Variants in LRRTM4 observed in about 807,000 individuals in gnomAD.
The protein encoded by LRRTM4 is leucine rich repeat transmembrane neuronal 4.
A neutral mutation model predicts 47.6 loss-of-function variants in LRRTM4; 25 were observed. The ratio of observed to expected loss-of-function variants is 0.53; its 90% confidence interval spans 0.38 to 0.73. LRRTM4 has a LOEUF of 0.73. Among genes scored for constraint, LRRTM4 ranks in the 30% least tolerant of loss-of-function variants. The probability of loss-of-function intolerance (pLI) is 0.00; values close to 1 mark genes in which losing one functional copy is unlikely to be tolerated. For missense variants in LRRTM4, 638 were observed against 713.4 expected, an observed-to-expected ratio of 0.89 and a Z score of 1.20; for synonymous variants, 311 against 269.5, an observed-to-expected ratio of 1.15 and a Z score of -1.51.
At chr2:77,411,969 T>A (rs562707044) in intron 3 of LRRTM4, among the ~76,000 whole-genome samples, 3 of 152,276 alleles carry the variant, frequency 2.0e-5, no homozygotes, top group Admixed American at 2.0e-4. Flanking sequence ...CTCTTGCTTC[T>A]CTCACTTGAT....
intron 3 of LRRTM4, among the ~76,000 whole-genome samples, chr2:76,859,910 T>G (rs1316665225): frequency 6.6e-6 from 1 of 152,158 alleles, no homozygotes; most frequent in Admixed American, 6.5e-5. Context: ...ATTGACCAGA[T>G]GAAGTTGTTT....
intron 3 of LRRTM4, among the ~76,000 whole-genome samples, chr2:76,871,753 T>C (rs1214533148): frequency 6.6e-6 from 1 of 152,174 alleles, no homozygotes; most frequent in African/African-American, 2.4e-5. Context: ...GTGACTTTTG[T>C]TTTTTCTGAT....
In LRRTM4 at chr2:77,093,824, C is replaced by T. The variant is rs535641636; in HGVS notation, c.1552-344908G>A. 4.5e-3 allele frequency among the ~76,000 whole-genome samples: 684 copies of T among 151,824 alleles called. 10 individuals carry two copies. The highest frequency in any genetic ancestry group is 0.015 in the African/African-American group (637 of 41,242). On this transcript the variant is annotated intron_variant, in intron 3 of 3. Transcript: ENST00000409884. ...CCACCACAAAAGAAGTGTAAATGGC[C>T]GGTCCTTGCCTTAAGTGATGACATT...
chr2:76,885,557 G>A (rs944150505), intron 3 of LRRTM4, among the ~76,000 whole-genome samples: 1 of 150,970 alleles, frequency 6.6e-6, no homozygotes, highest in Admixed American at 6.7e-5. Context: ...CCGCCTCCCG[G>A]GTTCACGCCA....
rs537683824 is a variant in LRRTM4 at position 77,235,231 on chromosome 2, C to G, written c.1551+283087G>C. 3.9e-5 allele frequency among the ~76,000 whole-genome samples: 6 copies of G among 152,100 alleles called. No individual in the cohort carries two copies. The South Asian group carries it at 1.2e-3, about 32-fold the overall frequency. On this transcript the variant is annotated intron_variant, in intron 3 of 3. Coordinates refer to ENST00000409884, the MANE Select transcript of LRRTM4 (RefSeq NM_001134745.3). The stretch of plus-strand genomic sequence containing the variant: ...CTGTTGGTTTTTTACTATAATAATA[C>G]CCATTCTGACTGGTTTGGGATTGTA...
chr2:76,794,553 TATTA>T (rs1183416073), intron 3 of LRRTM4, among the ~76,000 whole-genome samples: 1 of 152,216 alleles, frequency 6.6e-6, no homozygotes, highest in Non-Finnish European at 1.5e-5. Context: ...TGAATTGCTT[TATTA>T]ATTCTATATG....
intron 3 of LRRTM4, among the ~76,000 whole-genome samples, chr2:76,861,901 A>C (rs1235270220): frequency 6.6e-6 from 1 of 152,150 alleles, no homozygotes; most frequent in Admixed American, 6.6e-5. Flanking sequence ...ATACATCAAT[A>C]CACCCTGTGG....
At chr2:77,044,537 C>T (rs933796617) in intron 3 of LRRTM4, among the ~76,000 whole-genome samples, 1 of 151,294 alleles carries the variant, frequency 6.6e-6, no homozygotes, top group African/African-American at 2.4e-5. Flanking sequence ...AGATATTAGT[C>T]AAGGGTGTGT....
intron 3 of LRRTM4, among the ~76,000 whole-genome samples, chr2:77,484,292 T>C (rs1029127565): frequency 6.6e-6 from 1 of 152,236 alleles, no homozygotes; most frequent in African/African-American, 2.4e-5. Context: ...CCAATGCTAA[T>C]GTATCTGATA....
chr2:77,061,511 T>G (rs1679784013), intron 3 of LRRTM4, among the ~76,000 whole-genome samples: 1 of 152,156 alleles, frequency 6.6e-6, no homozygotes, highest in African/African-American at 2.4e-5. Flanking sequence ...GCCTGTTGTA[T>G]CGCATCAATC....
At chr2:77,052,007 T>A (rs1412628218) in intron 3 of LRRTM4, among the ~76,000 whole-genome samples, 1 of 117,994 alleles carries the variant, frequency 8.5e-6, no homozygotes, top group Non-Finnish European at 2.0e-5. Flanking sequence ...TTTTAAAAAT[T>A]TATTTTATTT....
At chr2:77,474,956 T>C (rs1677328909) in intron 3 of LRRTM4, among the ~76,000 whole-genome samples, 1 of 152,108 alleles carries the variant, frequency 6.6e-6, no homozygotes. Context: ...ATTTTGCTCA[T>C]CTAGAAGATA....
chr2:76,796,460 C>A (rs1675332183), intron 3 of LRRTM4, among the ~76,000 whole-genome samples: 1 of 133,272 alleles, frequency 7.5e-6, no homozygotes, highest in Non-Finnish European at 1.6e-5. Flanking sequence ...CAGCATGCAG[C>A]TGGAGATCTG....
intron 3 of LRRTM4, among the ~76,000 whole-genome samples, chr2:77,097,944 G>A (rs966099405): frequency 2.6e-5 from 4 of 151,734 alleles, no homozygotes; most frequent in Admixed American, 6.6e-5. Context: ...ATGATTATAT[G>A]AGAATAAAAA....
intron 3 of LRRTM4, among the ~76,000 whole-genome samples, chr2:76,907,398 C>A (rs558416886): frequency 2.6e-4 from 39 of 150,074 alleles, no homozygotes; most frequent in Non-Finnish European, 4.1e-4. Flanking sequence ...CAGGAAAGAT[C>A]CAAAATTGAC....
chr2:77,033,810 GAACT>G (rs539093193), intron 3 of LRRTM4, among the ~76,000 whole-genome samples: 19 of 151,696 alleles, frequency 1.3e-4, no homozygotes, highest in South Asian at 1.0e-3. Context: ...CTTATTAAAT[GAACT>G]AATAAAAATA....
chr2:77,254,522 G>A (rs986642050), intron 3 of LRRTM4, among the ~76,000 whole-genome samples: 3 of 151,752 alleles, frequency 2.0e-5, no homozygotes, highest in Non-Finnish European at 4.4e-5. Flanking sequence ...AAAAATATGG[G>A]TAGATAAAAT....
intron 3 of LRRTM4, among the ~76,000 whole-genome samples, chr2:76,967,662 C>T (rs139772035): frequency 1.5e-3 from 227 of 151,792 alleles, no homozygotes; most frequent in Middle Eastern, 6.8e-3. Flanking sequence ...GTGCTCTCAA[C>T]GCATGAGGAT....
At chr2:76,806,202 C>T (rs1558666312) in intron 3 of LRRTM4, among the ~76,000 whole-genome samples, 1 of 152,174 alleles carries the variant, frequency 6.6e-6, no homozygotes, top group East Asian at 1.9e-4. Flanking sequence ...AATAACTAGG[C>T]ACTCAGAAAA....
Sources: gnomAD v4.1 joint callset for allele counts (sites outside exome capture counted in the v4.1 genomes callset) on GRCh38, gnomAD v4.1.1 for gene constraint, MANE v1.5 for transcripts, NCBI Gene and HGNC (gene_info 2026-07-23, HGNC 2026-07-21) for gene names.